The following C3orf33 variants were observed in gnomAD, a reference collection of about 807,000 sequenced individuals.
The protein encoded by C3orf33 is mitochondrial inner membrane subdomain organizer 1.
C3orf33 carries 23 observed loss-of-function variants against 28.7 expected under a neutral mutation model. That is an observed-to-expected ratio of 0.80 (90% CI 0.58 to 1.13). The LOEUF (loss-of-function observed/expected upper bound fraction) is 1.13. Ranked by LOEUF, C3orf33 falls within the 50% of genes most tolerant of loss-of-function variation. The pLI, the probability that C3orf33 is intolerant of heterozygous loss-of-function variation, is 0.00. For missense variants in C3orf33, 327 were observed against 353.4 expected, an observed-to-expected ratio of 0.93 and a Z score of 0.60; for synonymous variants, 119 against 120.5, an observed-to-expected ratio of 0.99 and a Z score of 0.08.
At chr3:155,785,798 G>A (rs1225545356) in intron 2 of C3orf33, among the ~76,000 whole-genome samples, 2 of 152,100 alleles carry the variant, frequency 1.3e-5, no homozygotes, top group Non-Finnish European at 2.9e-5. Context: ...CAGCACTTTG[G>A]GAGGTCTAGG....
At position 155,788,411 on chromosome 3, in the gene C3orf33, G is replaced by A. The variant is rs144122489; in HGVS notation, c.175-12563C>T. On this transcript the variant is annotated intron_variant, in intron 2 of 4. Coordinates refer to ENST00000340171, the MANE Select transcript of C3orf33 (RefSeq NM_001308229.2). ...ATGAAAAAACCATATTCGGCTGGGC[G>A]CAGTGGCTCATGCCTATAATCCTAG... Among the ~76,000 whole-genome samples, 423 of 152,076 alleles carry A rather than the reference G, an allele frequency of 2.8e-3. 7 individuals carry two copies. The East Asian group carries it at 0.035, about 13-fold the overall frequency.
rs1325799823 is a variant in C3orf33 at position 155,775,794 on chromosome 3, C to CATTT, written c.225_228dup (p.Val77LysfsTer3). The stretch of plus-strand genomic sequence containing the variant: ...CGGCGTAATCGTCCACGTAGTTTAA[C>CATTT]ATTTCTTCTTATAAATTCTACTGGA... On this transcript the variant is annotated frameshift_variant, in exon 3 of 5. Coordinates refer to ENST00000340171, the MANE Select transcript of C3orf33 (RefSeq NM_001308229.2). LOFTEE classifies it high-confidence loss of function. The CATTT allele has an allele frequency of 1.9e-6, 3 of 1,597,944 alleles. No homozygotes were observed. Among genetic ancestry groups the CATTT allele is most frequent in the Non-Finnish European group, 2.6e-6 (3 of 1,167,154 alleles).
chr3:155,788,351 T>C (rs1177535769), intron 2 of C3orf33, among the ~76,000 whole-genome samples: 1 of 151,910 alleles, frequency 6.6e-6, no homozygotes, highest in Non-Finnish European at 1.5e-5. Context: ...AAACTAAGAA[T>C]AGAAGGCAAC....
intron 2 of C3orf33, among the ~76,000 whole-genome samples, chr3:155,795,833 G>A (rs1029954790): frequency 1.1e-4 from 16 of 151,976 alleles, no homozygotes; most frequent in Admixed American, 7.2e-4. Context: ...GTGCATGCCT[G>A]TAATCCCAGC....
chr3:155,794,303 A>G (rs1050157867), intron 2 of C3orf33, among the ~76,000 whole-genome samples: 4 of 152,124 alleles, frequency 2.6e-5, no homozygotes, highest in Non-Finnish European at 1.5e-5. Flanking sequence ...TTATGCAATC[A>G]ATGTTGTCAT....
At chr3:155,774,327 G>A (rs1384120060) in intron 3 of C3orf33, among the ~76,000 whole-genome samples, 1 of 152,174 alleles carries the variant, frequency 6.6e-6, no homozygotes, top group Non-Finnish European at 1.5e-5. Context: ...GTATAGCAAA[G>A]AAAGAGGCTA....
chr3:155,771,794 AAAAT>A (rs1353666374), intron 3 of C3orf33, among the ~76,000 whole-genome samples: 2 of 152,230 alleles, frequency 1.3e-5, no homozygotes, highest in Non-Finnish European at 1.5e-5. Flanking sequence ...ACAAACATCA[AAAAT>A]AAATAAGTAA....
chr3:155,785,167 C>CT (rs1346419719), intron 2 of C3orf33, among the ~76,000 whole-genome samples: 1 of 151,458 alleles, frequency 6.6e-6, no homozygotes, highest in African/African-American at 2.4e-5. Context: ...TCAAAAAAAG[C>CT]AAGAAGCCAT....
At chr3:155,798,507 C>T (rs1158243986) in intron 2 of C3orf33, among the ~76,000 whole-genome samples, 2 of 152,140 alleles carry the variant, frequency 1.3e-5, no homozygotes, top group Non-Finnish European at 2.9e-5. Context: ...GTGCCAAGAA[C>T]ATAAGTTGGA....
At chr3:155,770,385 T>C (rs1750543580) in intron 3 of C3orf33, among the ~76,000 whole-genome samples, 1 of 152,186 alleles carries the variant, frequency 6.6e-6, no homozygotes, top group South Asian at 2.1e-4. Flanking sequence ...TCACCAGCTG[T>C]GGATGTCTCT....
intron 2 of C3orf33, among the ~76,000 whole-genome samples, chr3:155,777,564 C>G (rs559175890): frequency 2.0e-5 from 3 of 151,938 alleles, no homozygotes; most frequent in African/African-American, 7.3e-5. Flanking sequence ...CCTCAGCCCC[C>G]CAAGTAGGAC....
intron 2 of C3orf33, among the ~76,000 whole-genome samples, chr3:155,800,472 C>T (rs1751608275): frequency 6.6e-6 from 1 of 151,574 alleles, no homozygotes; most frequent in Non-Finnish European, 1.5e-5. Context: ...GGCATGGTGG[C>T]AGGTGCCTTT....
chr3:155,771,114 GT>G (rs1750578490), intron 3 of C3orf33, among the ~76,000 whole-genome samples: 1 of 150,814 alleles, frequency 6.6e-6, no homozygotes, highest in African/African-American at 2.4e-5. Context: ...GTGTGTGTAT[GT>G]GGTGTGTGGA....
At chr3:155,764,043 TC>T in intron 4 of C3orf33, 125 bp from the exon 5 acceptor site, 1 of 599,518 alleles carries the variant, frequency 1.7e-6, no homozygotes, top group Non-Finnish European at 2.5e-6. Context: ...GCAAAAATGG[TC>T]CCCAAGGCTC....
At chr3:155,771,597 A>G (rs1175436933) in intron 3 of C3orf33, among the ~76,000 whole-genome samples, 1 of 152,076 alleles carries the variant, frequency 6.6e-6, no homozygotes, top group Admixed American at 6.6e-5. Flanking sequence ...GGGTTTCACA[A>G]TGTTGCCAGG....
chr3:155,805,992 G>T, intron 1 of C3orf33, 147 bp downstream of exon 1: 1 of 536,810 alleles, frequency 1.9e-6, no homozygotes, highest in South Asian at 4.1e-5. Flanking sequence ...CGACACTCGC[G>T]ATGTCGCCCT....
chr3:155,797,067 T>G (rs1751495005), intron 2 of C3orf33, among the ~76,000 whole-genome samples: 2 of 152,176 alleles, frequency 1.3e-5, no homozygotes, highest in East Asian at 3.9e-4. Flanking sequence ...GGTGGGTGCC[T>G]GTAATTCCAG....
intron 1 of C3orf33, among the ~76,000 whole-genome samples, chr3:155,805,158 T>TAAAAAAAAA (rs57906262): frequency 7.1e-6 from 1 of 141,738 alleles, no homozygotes; most frequent in Non-Finnish European, 1.5e-5. Context: ...GTGCTTCACT[T>TAAAAAAAAA]AAAAAAAAAA....
intron 2 of C3orf33, among the ~76,000 whole-genome samples, chr3:155,798,302 C>T (rs1292022728): frequency 6.6e-6 from 1 of 152,036 alleles, no homozygotes; most frequent in Non-Finnish European, 1.5e-5. Context: ...CCATAAAAGA[C>T]CCAGAATAGC....
Sources: gnomAD v4.1 joint callset for allele counts (sites outside exome capture counted in the v4.1 genomes callset) on GRCh38, gnomAD v4.1.1 for gene constraint, MANE v1.5 for transcripts, NCBI Gene and HGNC (gene_info 2026-07-23, HGNC 2026-07-21) for gene names.